The following SLC8A1 variants were observed in gnomAD, a reference collection of about 807,000 sequenced individuals.
SLC8A1 encodes the protein sodium/calcium exchanger 1.
In SLC8A1, 18 loss-of-function variants were observed where a neutral mutation model predicts 68.3. The observed-to-expected ratio is 0.26, with a 90% CI of 0.18 to 0.39. The LOEUF is 0.39. SLC8A1 is among the 10% of genes least tolerant of loss of function. The pLI is 1.00. For synonymous variants in SLC8A1, 475 were observed against 415.5 expected (o/e 1.14, Z -1.74); for missense variants, 985 against 1,156.7 (o/e 0.85, Z 2.15).
At chr2:40,263,548 A>G (rs911292421) in intron 2 of SLC8A1, among the ~76,000 whole-genome samples, 4 of 152,106 alleles carry the variant, frequency 2.6e-5, no homozygotes, top group African/African-American at 7.2e-5. Context: ...AAATAATGCC[A>G]CAGATCTACA....
rs532807551 is a variant in SLC8A1, at chr2:40,288,472, A to G, written c.1809-110617T>C. 5.3e-5 allele frequency among the ~76,000 whole-genome samples: 8 copies of G among 152,070 alleles called. No homozygotes were observed. The East Asian group carries it at 1.6e-3, about 30-fold the overall frequency. On this transcript the variant is annotated intron_variant, in intron 2 of 7. Coordinates refer to ENST00000406785, the Ensembl canonical transcript of SLC8A1. ...TCTTGCTGGTCATGGCTTGGCTAATATTCTCCCCAGCCCCTACTCCTCTCC... is the reference window on the plus strand; with the variant it reads ...TCTTGCTGGTCATGGCTTGGCTAATGTTCTCCCCAGCCCCTACTCCTCTCC...
chr2:40,358,361 T>C (rs1208241671), intron 2 of SLC8A1, among the ~76,000 whole-genome samples: 2 of 151,708 alleles, frequency 1.3e-5, no homozygotes, highest in Non-Finnish European at 2.9e-5. Context: ...GCAGCCCACA[T>C]AGACATTTTC....
chr2:40,256,457 G>A (rs969659898), intron 2 of SLC8A1, among the ~76,000 whole-genome samples: 1 of 152,186 alleles, frequency 6.6e-6, no homozygotes, highest in Non-Finnish European at 1.5e-5. Flanking sequence ...CAGAAGGCAT[G>A]TAAAAGACAG....
intron 2 of SLC8A1, among the ~76,000 whole-genome samples, chr2:40,236,832 A>C (rs987165422): frequency 6.7e-6 from 1 of 150,244 alleles, no homozygotes; most frequent in Non-Finnish European, 1.5e-5. Context: ...CTTGTCTGTA[A>C]AGTATTTTAT....
chr2:40,466,338 T>C (rs1703670915), intron 1 of SLC8A1, among the ~76,000 whole-genome samples: 1 of 152,070 alleles, frequency 6.6e-6, no homozygotes, highest in African/African-American at 2.4e-5. Context: ...GATGGAAAAT[T>C]TTGTGGAACG....
chr2:40,279,776 GT>G (rs1298543782), intron 2 of SLC8A1, among the ~76,000 whole-genome samples: 2 of 152,016 alleles, frequency 1.3e-5, no homozygotes, highest in Non-Finnish European at 2.9e-5. Context: ...GGTACATTCT[GT>G]TTTTTTGAGG....
intron 2 of SLC8A1, among the ~76,000 whole-genome samples, chr2:40,220,538 G>C (rs773333267): frequency 6.6e-6 from 1 of 152,118 alleles, no homozygotes; most frequent in South Asian, 2.1e-4. Flanking sequence ...GAATTTTGCA[G>C]TTTTTCTGTT....
chr2:40,265,492 G>A (rs575090252), intron 2 of SLC8A1, among the ~76,000 whole-genome samples: 3 of 152,250 alleles, frequency 2.0e-5, no homozygotes, highest in Admixed American at 6.5e-5. Flanking sequence ...GAAAGGTAGC[G>A]AAAAAGTTGG....
intron 4 of SLC8A1, among the ~76,000 whole-genome samples, chr2:40,167,578 G>A: frequency 6.6e-6 from 1 of 152,114 alleles, no homozygotes; most frequent in East Asian, 1.9e-4. Flanking sequence ...AAAACAGTAA[G>A]GCACACTGTT....
At chr2:40,115,182 C>A in exon 8 of SLC8A1, 1 of 1,092,264 alleles carries the variant, frequency 9.2e-7, no homozygotes. Flanking sequence ...TGTCAGTTTC[C>A]TCTGTCCATT....
chr2:40,356,124 G>C (rs1404261312), intron 2 of SLC8A1, among the ~76,000 whole-genome samples: 1 of 152,164 alleles, frequency 6.6e-6, no homozygotes, highest in South Asian at 2.1e-4. Context: ...CCTCCTCTCA[G>C]TCTGGATTAT....
chr2:40,227,168 A>G (rs192038179), intron 2 of SLC8A1, among the ~76,000 whole-genome samples: 2 of 152,166 alleles, frequency 1.3e-5, no homozygotes, highest in East Asian at 1.9e-4. Context: ...TTAAAATTCA[A>G]CATTTAAGTT....
At chr2:40,237,027 C>T (rs907761755) in intron 2 of SLC8A1, among the ~76,000 whole-genome samples, 7 of 94,144 alleles carry the variant, frequency 7.4e-5, no homozygotes, top group Non-Finnish European at 1.4e-4. Context: ...TCTGGTTGCC[C>T]TTAACATTTT....
intron 2 of SLC8A1, among the ~76,000 whole-genome samples, chr2:40,351,717 T>C (rs1559352321): frequency 2.0e-5 from 3 of 152,016 alleles, no homozygotes. Flanking sequence ...AAGGCAGTGA[T>C]AGGGGAAAGA....
chr2:40,101,816 T>G (rs1251236465), exon 8 of SLC8A1: 5 of 152,120 alleles, frequency 3.3e-5, no homozygotes, highest in African/African-American at 1.2e-4. Flanking sequence ...AGGGGCTTAT[T>G]AAAGTCCATA....
chr2:40,160,319 G>A (rs78611748), intron 6 of SLC8A1, among the ~76,000 whole-genome samples: 1,712 of 152,296 alleles, frequency 0.011, 33 homozygotes, highest in African/African-American at 0.039. Flanking sequence ...ACACGTATTT[G>A]TTGCATGTTG....
At chr2:40,374,315 C>A (rs1473230059) in intron 2 of SLC8A1, among the ~76,000 whole-genome samples, 1 of 151,752 alleles carries the variant, frequency 6.6e-6, no homozygotes, top group East Asian at 1.9e-4. Context: ...AGTTCCAGAC[C>A]AGCCCGGGAA....
chr2:40,406,945 C>A (rs60605358), intron 2 of SLC8A1, among the ~76,000 whole-genome samples: 2,191 of 146,798 alleles, frequency 0.015, 49 homozygotes, highest in African/African-American at 0.054. Flanking sequence ...AATTCCTTCT[C>A]CACAGTTTTT....
chr2:40,482,393 A>T (rs1349401096), intron 1 of SLC8A1, among the ~76,000 whole-genome samples: 1 of 152,170 alleles, frequency 6.6e-6, no homozygotes, highest in African/African-American at 2.4e-5. Context: ...AACAAAGTTT[A>T]AAAATCTTGT....
Sources: allele counts gnomAD v4.1 joint callset (sites outside exome capture counted in the v4.1 genomes callset), GRCh38; gene constraint gnomAD v4.1.1; transcripts MANE v1.5; gene names NCBI Gene and HGNC (gene_info 2026-07-23, HGNC 2026-07-21).